NT5DC1: variants seen among roughly 807,000 people sequenced by gnomAD.
The protein encoded by NT5DC1 is 5'-nucleotidase domain containing 1.
In NT5DC1, 42 loss-of-function variants were observed where a neutral mutation model predicts 59.4. The ratio of observed to expected loss-of-function variants is 0.71; its 90% CI spans 0.55 to 0.92. NT5DC1 has a LOEUF of 0.92. Ranked by LOEUF, NT5DC1 falls within the 40% of genes least tolerant of loss-of-function variation. The pLI, the probability that NT5DC1 is intolerant of heterozygous loss-of-function variation, is 0.00. For missense variants in NT5DC1, 501 were observed against 537.1 expected (o/e 0.93, Z 0.66); for synonymous variants, 172 against 188.1 (o/e 0.91, Z 0.70).
intron 6 of NT5DC1, among the ~76,000 whole-genome samples, chr6:116,197,190 T>G (rs1039900654): frequency 2.6e-5 from 4 of 151,908 alleles, no homozygotes; most frequent in Non-Finnish European, 4.4e-5. Flanking sequence ...TGAAGAGGCA[T>G]GAATCTTCAT....
chr6:116,208,773 T>C (rs1210078580), intron 6 of NT5DC1, among the ~76,000 whole-genome samples: 1 of 151,964 alleles, frequency 6.6e-6, no homozygotes, highest in Non-Finnish European at 1.5e-5. Flanking sequence ...ATTCAGAGAC[T>C]AAAAATAAAG....
chr6:116,136,797 C>T (rs1229753469), intron 6 of NT5DC1, among the ~76,000 whole-genome samples: 1 of 152,154 alleles, frequency 6.6e-6, no homozygotes, highest in Non-Finnish European at 1.5e-5. Context: ...GAATCTGTTA[C>T]TCAGAACAAG....
intron 6 of NT5DC1, among the ~76,000 whole-genome samples, chr6:116,195,022 T>C (rs1781195603): frequency 6.6e-6 from 1 of 152,074 alleles, no homozygotes; most frequent in African/African-American, 2.4e-5. Flanking sequence ...CTTCCTGCCA[T>C]CCATACTCTA....
chr6:116,155,333 A>G (rs1780159480), intron 6 of NT5DC1, among the ~76,000 whole-genome samples: 1 of 152,096 alleles, frequency 6.6e-6, no homozygotes. Flanking sequence ...TTAATGACCA[A>G]TTCATTTAGC....
intron 6 of NT5DC1, among the ~76,000 whole-genome samples, chr6:116,220,121 C>CTTTTTTTTTTTTTTTTTTTTT (rs1562170568): frequency 9.2e-6 from 1 of 108,318 alleles, no homozygotes. Context: ...AGCTGTTTAA[C>CTTTTTTTTTTTTTTTTTTTTT]CTTTTTTTTT....
chr6:116,112,216 G>A (rs1778892234), intron 4 of NT5DC1, among the ~76,000 whole-genome samples: 1 of 152,164 alleles, frequency 6.6e-6, no homozygotes, highest in Non-Finnish European at 1.5e-5. Context: ...GGGTTAGTTA[G>A]GGAAGTGTTT....
intron 6 of NT5DC1, chr6:116,137,652 T>G (rs1779644891): frequency 5.1e-6 from 1 of 196,518 alleles, no homozygotes; most frequent in Admixed American, 4.8e-5. Flanking sequence ...CTTTATCCCT[T>G]CAGCCATCAA....
chr6:116,193,257 A>G (rs1781157186), intron 6 of NT5DC1, among the ~76,000 whole-genome samples: 3 of 152,116 alleles, frequency 2.0e-5, no homozygotes. Flanking sequence ...ATCCAGTAAT[A>G]AATAAGAAGT....
Position 116,246,890 on chromosome 6 carries a change from A to C in NT5DC1, c.*2866A>C, listed in dbSNP as rs562435273. ...GTTGGTCTCTAGAACTATCCTCAGA[A>C]ATAATAGTAAAACAGTGGTCATGAG... On this transcript the variant is annotated 3_prime_UTR_variant, in exon 12 of 12. Coordinates refer to ENST00000319550, the MANE Select transcript of NT5DC1 (RefSeq NM_152729.3). 1 of 152,320 alleles carries C rather than the reference A, an allele frequency of 6.6e-6. No individual in the cohort carries two copies. The highest frequency in any genetic ancestry group is 6.5e-5 in the Admixed American group (1 of 15,296). 9.4% of individuals were successfully genotyped at this position (152,320 alleles called of 1,614,324 possible).
Position 116,100,960 on chromosome 6 carries a change from C to T in NT5DC1, c.30C>T (p.Cys10=). 1 of 1,604,702 alleles carries T rather than the reference C, an allele frequency of 6.2e-7. No homozygotes were observed. The change falls in exon 1 of 12, where the codon TGC becomes TGT. Residue 10 remains cysteine, a synonymous_variant. Coordinates refer to ENST00000319550, the MANE Select transcript of NT5DC1 (RefSeq NM_152729.3). MAQHFSLAA[C]DVVGFDLDHT... ...CTCAGCACTTCTCCCTGGCCGCCTG[C>T]GACGTGGTCGGATTCGACCTGGACC...
chr6:116,220,145 T>G (rs984537154), intron 6 of NT5DC1, among the ~76,000 whole-genome samples: 2 of 130,262 alleles, frequency 1.5e-5, no homozygotes, highest in African/African-American at 2.6e-5. Flanking sequence ...TTTTTTTTTT[T>G]GTCTATGCAT....
At chr6:116,210,854 A>C (rs1232781928) in intron 6 of NT5DC1, among the ~76,000 whole-genome samples, 3 of 152,044 alleles carry the variant, frequency 2.0e-5, no homozygotes, top group Non-Finnish European at 2.9e-5. Flanking sequence ...GTTAGATATG[A>C]ACAGAAAATA....
intron 7 of NT5DC1, 80 bp downstream of exon 7, chr6:116,221,308 AG>A (rs1296524585): frequency 1.2e-6 from 1 of 804,716 alleles, no homozygotes; most frequent in African/African-American, 1.7e-5. Flanking sequence ...TAAAAGTGTC[AG>A]CCATGACCAT....
At chr6:116,203,357 G>T (rs942207113) in intron 6 of NT5DC1, among the ~76,000 whole-genome samples, 1 of 151,810 alleles carries the variant, frequency 6.6e-6, no homozygotes, top group Non-Finnish European at 1.5e-5. Context: ...CCTGCAGTCC[G>T]CCAGAAGCTC....
chr6:116,220,568 C>T (rs953970301), intron 6 of NT5DC1, among the ~76,000 whole-genome samples: 5 of 152,200 alleles, frequency 3.3e-5, no homozygotes, highest in Non-Finnish European at 5.9e-5. Flanking sequence ...AGTATAGATT[C>T]CATCTGAAAT....
chr6:116,188,995 T>C (rs1317768049), intron 6 of NT5DC1, among the ~76,000 whole-genome samples: 2 of 151,930 alleles, frequency 1.3e-5, no homozygotes. Flanking sequence ...CATTAGAACT[T>C]CACTGTATTT....
At chr6:116,182,636 G>A (rs1390402784) in intron 6 of NT5DC1, among the ~76,000 whole-genome samples, 3 of 152,038 alleles carry the variant, frequency 2.0e-5, no homozygotes, top group Non-Finnish European at 4.4e-5. Flanking sequence ...CTGATCGCTA[G>A]TGATGTTGAG....
chr6:116,230,514 A>G (rs1781999138), intron 8 of NT5DC1, among the ~76,000 whole-genome samples: 1 of 152,240 alleles, frequency 6.6e-6, no homozygotes, highest in African/African-American at 2.4e-5. Context: ...GTTAAAATGG[A>G]GATTCTGATT....
intron 6 of NT5DC1, among the ~76,000 whole-genome samples, chr6:116,178,113 G>A (rs1317269451): frequency 9.4e-5 from 7 of 74,264 alleles, no homozygotes; most frequent in Admixed American, 2.5e-4. Flanking sequence ...GTGCGTGCGT[G>A]TGTGTGTGTG....
Sources: gnomAD v4.1 joint callset for allele counts (sites outside exome capture counted in the v4.1 genomes callset) on GRCh38, gnomAD v4.1.1 for gene constraint, MANE v1.5 for transcripts, NCBI Gene and HGNC (gene_info 2026-07-23, HGNC 2026-07-21) for gene names.